CTNNA2: variants seen among roughly 807,000 people sequenced by gnomAD.
The protein encoded by CTNNA2 is catenin alpha-2.
CTNNA2 carries 42 observed loss-of-function variants against 101.0 expected under a neutral mutation model. That is an observed-to-expected ratio of 0.42 (90% CI 0.32 to 0.54). The LOEUF (loss-of-function observed/expected upper bound fraction) is 0.54, where lower values mean the gene tolerates loss of function less well. CTNNA2 is among the 20% of genes least tolerant of loss of function. The pLI is 0.14. For synonymous variants in CTNNA2, 450 were observed against 456.4 expected, an observed-to-expected ratio of 0.99 and a Z score of 0.18; for missense variants, 871 against 1,223.1, an observed-to-expected ratio of 0.71 and a Z score of 4.29.
chr2:79,619,551 T>G (rs1678860448), intron 1 of CTNNA2, among the ~76,000 whole-genome samples: 1 of 152,238 alleles, frequency 6.6e-6, no homozygotes, highest in African/African-American at 2.4e-5. Context: ...CTTGAGTTGT[T>G]TTGACACAAG....
chr2:79,236,680 A>G (rs1342722117), intron 2 of CTNNA2, among the ~76,000 whole-genome samples: 3 of 152,200 alleles, frequency 2.0e-5, no homozygotes, highest in African/African-American at 7.2e-5. Flanking sequence ...GTAATATTCT[A>G]AATCTTCTGT....
chr2:79,964,414 A>C (rs1052561078), intron 7 of CTNNA2, among the ~76,000 whole-genome samples: 1 of 152,172 alleles, frequency 6.6e-6, no homozygotes, highest in Non-Finnish European at 1.5e-5. Context: ...GGTTTGGAAA[A>C]AAAAAAGCCA....
intron 1 of CTNNA2, among the ~76,000 whole-genome samples, chr2:79,519,221 T>A (rs1236394840): frequency 7.9e-6 from 1 of 125,882 alleles, no homozygotes; most frequent in Non-Finnish European, 1.6e-5. Context: ...AGAACAAGAC[T>A]CCGTCTCAAA....
At chr2:80,544,415 C>T (rs1573209127) in intron 9 of CTNNA2, among the ~76,000 whole-genome samples, 1 of 151,948 alleles carries the variant, frequency 6.6e-6, no homozygotes, top group South Asian at 2.1e-4. Context: ...TATATTCCGC[C>T]ATTGTGTATT....
chr2:80,598,545 C>T (rs749559851), intron 15 of CTNNA2, among the ~76,000 whole-genome samples: 3 of 152,036 alleles, frequency 2.0e-5, no homozygotes, highest in Non-Finnish European at 4.4e-5. Context: ...TATCCAGAGA[C>T]GTAAAAACTT....
chr2:79,474,532 A>C (rs987057529), intron 4 of CTNNA2, among the ~76,000 whole-genome samples: 2 of 152,214 alleles, frequency 1.3e-5, no homozygotes, highest in Admixed American at 1.3e-4. Context: ...AATTTACACC[A>C]CAAGGTAAAA....
intron 2 of CTNNA2, among the ~76,000 whole-genome samples, chr2:79,289,700 G>C (rs1675741107): frequency 6.6e-6 from 1 of 152,170 alleles, no homozygotes; most frequent in African/African-American, 2.4e-5. Context: ...AGCTGAGATT[G>C]CGCCACTGCA....
intron 7 of CTNNA2, among the ~76,000 whole-genome samples, chr2:80,253,360 G>C (rs1245893556): frequency 6.6e-6 from 1 of 152,076 alleles, no homozygotes; most frequent in African/African-American, 2.4e-5. Flanking sequence ...TTTTAGACTT[G>C]TTTCCTATTA....
At chr2:80,105,210 T>A (rs1700802540) in intron 7 of CTNNA2, among the ~76,000 whole-genome samples, 2 of 152,194 alleles carry the variant, frequency 1.3e-5, no homozygotes, top group African/African-American at 2.4e-5. Flanking sequence ...CTAACACATG[T>A]GTAGAGAGTG....
chr2:79,958,155 G>T (rs1191697047), intron 7 of CTNNA2, among the ~76,000 whole-genome samples: 1 of 152,178 alleles, frequency 6.6e-6, no homozygotes, highest in East Asian at 1.9e-4. Context: ...CCAGACAGGA[G>T]TTAACTATTT....
At chr2:79,381,623 T>C (rs966548302) in intron 4 of CTNNA2, among the ~76,000 whole-genome samples, 6 of 152,210 alleles carry the variant, frequency 3.9e-5, no homozygotes, top group African/African-American at 9.7e-5. Flanking sequence ...TTTGCAGACA[T>C]CTTGTAAAAG....
chr2:80,272,615 A>G (rs1247630608), intron 7 of CTNNA2, among the ~76,000 whole-genome samples: 2 of 152,174 alleles, frequency 1.3e-5, no homozygotes, highest in Non-Finnish European at 2.9e-5. Context: ...CATCTCTAGC[A>G]TAGCTGAGAA....
At chr2:80,023,099 C>T (rs1694689207) in intron 7 of CTNNA2, among the ~76,000 whole-genome samples, 1 of 152,174 alleles carries the variant, frequency 6.6e-6, no homozygotes, top group African/African-American at 2.4e-5. Context: ...CAGATGTCAT[C>T]CAAAACTTTC....
At chr2:80,415,906 A>G (rs1679995753) in intron 8 of CTNNA2, among the ~76,000 whole-genome samples, 1 of 152,174 alleles carries the variant, frequency 6.6e-6, no homozygotes, top group Non-Finnish European at 1.5e-5. Flanking sequence ...ATGGACTTGG[A>G]GGGCACTGTG....
intron 7 of CTNNA2, among the ~76,000 whole-genome samples, chr2:80,086,918 T>C (rs1699474726): frequency 6.6e-6 from 1 of 151,986 alleles, no homozygotes; most frequent in South Asian, 2.1e-4. Context: ...AGAGTCTCTA[T>C]CAGAGACTTT....
intron 4 of CTNNA2, among the ~76,000 whole-genome samples, chr2:79,501,547 T>C (rs2103804534): frequency 6.6e-6 from 1 of 152,156 alleles, no homozygotes; most frequent in East Asian, 1.9e-4. Context: ...TGGGGAAAGA[T>C]TTTTTTTCTC....
intron 3 of CTNNA2, among the ~76,000 whole-genome samples, chr2:79,336,160 T>C (rs1676990165): frequency 6.6e-6 from 1 of 152,164 alleles, no homozygotes; most frequent in Non-Finnish European, 1.5e-5. Context: ...AGTAATGCAA[T>C]TCATCTCACA....
intron 4 of CTNNA2, among the ~76,000 whole-genome samples, chr2:79,399,323 C>T (rs558377804): frequency 6.6e-6 from 1 of 152,042 alleles, no homozygotes; most frequent in Non-Finnish European, 1.5e-5. Flanking sequence ...GGGCTGTGCT[C>T]ATGGCCTATA....
chr2:80,446,043 A>G (rs569965117), intron 9 of CTNNA2, among the ~76,000 whole-genome samples: 17 of 152,286 alleles, frequency 1.1e-4, no homozygotes, highest in Non-Finnish European at 2.2e-4. Context: ...GACTCTGGTA[A>G]TTGTTCCTGC....
Sources: gnomAD v4.1 joint callset for allele counts (sites outside exome capture counted in the v4.1 genomes callset) on GRCh38, gnomAD v4.1.1 for gene constraint, MANE v1.5 for transcripts, NCBI Gene and HGNC (gene_info 2026-07-23, HGNC 2026-07-21) for gene names.